The following FRK variants were observed in gnomAD, a reference collection of about 807,000 sequenced individuals.
FRK encodes the protein fyn related Src family tyrosine kinase.
FRK carries 51 observed loss-of-function variants against 56.4 expected under a neutral mutation model. The observed-to-expected ratio is 0.90, with a 90% CI of 0.72 to 1.14. The LOEUF is 1.14. Among genes scored for constraint, FRK ranks in the 50% most tolerant of loss-of-function variants. The pLI is 0.00. For missense variants in FRK, 570 were observed against 601.4 expected (o/e 0.95, Z 0.55); for synonymous variants, 245 against 217.9 (o/e 1.12, Z -1.10).
chr6:116,092,348 T>A, the FRK span, among the ~76,000 whole-genome samples: 16 of 152,184 alleles, frequency 1.1e-4, no homozygotes, highest in Non-Finnish European at 2.9e-5. Flanking sequence ...ACCCTGGAGA[T>A]CCCTTCCCTC....
At chr6:116,001,916 G>GA (rs1775077726) in intron 2 of FRK, among the ~76,000 whole-genome samples, 1 of 152,060 alleles carries the variant, frequency 6.6e-6, no homozygotes, top group Non-Finnish European at 1.5e-5. Flanking sequence ...AATCTCTTCT[G>GA]AAAATTCATT....
At chr6:116,017,230 G>A (rs1026007498) in intron 1 of FRK, among the ~76,000 whole-genome samples, 3 of 152,092 alleles carry the variant, frequency 2.0e-5, no homozygotes, top group Admixed American at 2.0e-4. Context: ...CTCCTTACAC[G>A]TTTTAAGTTC....
the FRK span, among the ~76,000 whole-genome samples, chr6:116,099,556 C>T: frequency 6.6e-6 from 1 of 152,230 alleles, no homozygotes; most frequent in Non-Finnish European, 1.5e-5. Flanking sequence ...CATCAGTGAA[C>T]AGCTTAATCT....
At position 115,970,734 on chromosome 6, in the gene FRK, C is replaced by T. The variant is rs147593996; in HGVS notation, c.467-1995G>A. On this transcript the variant is annotated intron_variant, in intron 2 of 7. Transcript: ENST00000606080. The stretch of plus-strand genomic sequence containing the variant: ...GCAATGGTGGCAGACCCTGTCTCAA[C>T]AAAAAATAATAATAATAATTGTTTT... Among the ~76,000 whole-genome samples, 359 of 152,092 alleles carry T rather than the reference C, an allele frequency of 2.4e-3. 2 individuals are homozygous for T. The highest frequency in any genetic ancestry group is 0.017 in the Middle Eastern group (5 of 294).
chr6:115,951,958 T>G (rs2043974), intron 5 of FRK, among the ~76,000 whole-genome samples: 6,165 of 152,186 alleles, frequency 0.041, 338 homozygotes, highest in Admixed American at 0.15. Flanking sequence ...TTACTCAAGG[T>G]TTTTTGGCTG....
At chr6:116,033,323 T>C (rs904701834) in intron 1 of FRK, among the ~76,000 whole-genome samples, 2 of 152,150 alleles carry the variant, frequency 1.3e-5, no homozygotes, top group African/African-American at 2.4e-5. Context: ...TACACATACA[T>C]GGACCAAAAA....
At chr6:116,004,026 G>A (rs770612128) in intron 1 of FRK, 28 bp from the exon 2 acceptor site, 35 of 1,591,040 alleles carry the variant, frequency 2.2e-5, no homozygotes, top group Middle Eastern at 1.7e-4. Context: ...TAAATGTTAA[G>A]TAACCAATTA....
intron 3 of FRK, 55 bp from the exon 4 acceptor site, chr6:115,967,774 T>C (rs1773646794): frequency 2.3e-6 from 3 of 1,329,878 alleles, no homozygotes; most frequent in South Asian, 1.6e-5. Context: ...AGATTTAATA[T>C]TATTTTGTTG....
intron 5 of FRK, among the ~76,000 whole-genome samples, chr6:115,950,682 G>A (rs1424004514): frequency 4.6e-5 from 7 of 152,106 alleles, no homozygotes; most frequent in Admixed American, 1.3e-4. Context: ...TATACCCAAA[G>A]GATTATAAAT....
In FRK at chr6:116,060,376, T is replaced by C; in HGVS notation, c.-65A>G. On this transcript the variant is annotated 5_prime_UTR_variant, in exon 1 of 8. Transcript: ENST00000606080. Reference sequence around the variant, plus strand: ...CTCCCCTTAGTCTCTGCGATCCACCTTATCTTCCTTCACCAGGCAACTTTG... The same window carrying C: ...CTCCCCTTAGTCTCTGCGATCCACCCTATCTTCCTTCACCAGGCAACTTTG... 1 of 1,313,682 alleles carries C rather than the reference T, an allele frequency of 7.6e-7. No individual in the cohort carries two copies. Among genetic ancestry groups the C allele is most frequent in the Non-Finnish European group, 1.1e-6 (1 of 941,870 alleles). The allele number at this position is 1,313,682 out of a possible 1,614,324, so 81.4% of individuals were successfully genotyped here.
chr6:115,944,565 T>A, intron 5 of FRK, 140 bp from the exon 6 acceptor site: 1 of 572,742 alleles, frequency 1.7e-6, no homozygotes. Context: ...ATATATATAT[T>A]TATCATTAAT....
the FRK span, among the ~76,000 whole-genome samples, chr6:116,087,550 A>T: frequency 1.3e-5 from 2 of 152,234 alleles, no homozygotes; most frequent in Non-Finnish European, 1.5e-5. Flanking sequence ...AAAGCACTAA[A>T]CTATTTATGG....
chr6:115,952,034 G>A (rs1772774959), intron 5 of FRK, among the ~76,000 whole-genome samples: 1 of 151,902 alleles, frequency 6.6e-6, no homozygotes, highest in African/African-American at 2.4e-5. Context: ...GGGGTTGTTT[G>A]TTTTTTTCTT....
At chr6:115,955,451 G>C (rs1420289768) in intron 5 of FRK, among the ~76,000 whole-genome samples, 2 of 152,230 alleles carry the variant, frequency 1.3e-5, no homozygotes, top group East Asian at 3.9e-4. Flanking sequence ...AGGCAAAAGG[G>C]GTTATTTAAT....
intron 2 of FRK, among the ~76,000 whole-genome samples, chr6:115,974,021 G>C (rs1296842272): frequency 6.6e-6 from 1 of 152,062 alleles, no homozygotes; most frequent in East Asian, 1.9e-4. Flanking sequence ...TAAATTCTTG[G>C]CCTACATGTT....
intron 1 of FRK, among the ~76,000 whole-genome samples, chr6:116,057,646 T>C (rs927327365): frequency 3.3e-5 from 5 of 152,000 alleles, no homozygotes; most frequent in Admixed American, 1.3e-4. Context: ...GATGTGAAGA[T>C]CCCAAGGAAA....
chr6:115,966,936 T>C (rs769235496), intron 4 of FRK, among the ~76,000 whole-genome samples: 4 of 151,100 alleles, frequency 2.6e-5, no homozygotes, highest in Non-Finnish European at 4.4e-5. Context: ...AACTGAAGCA[T>C]AGAGTTCAAA....
the FRK span, among the ~76,000 whole-genome samples, chr6:116,098,407 G>A: frequency 6.6e-6 from 1 of 152,142 alleles, no homozygotes; most frequent in Admixed American, 6.5e-5. Context: ...CACGACGCCA[G>A]GCAGACAGCC....
At chr6:116,091,662 G>A in the FRK span, among the ~76,000 whole-genome samples, 1 of 152,090 alleles carries the variant, frequency 6.6e-6, no homozygotes, top group Non-Finnish European at 1.5e-5. Context: ...TAGAATTCGG[G>A]GGCTAAACAC....
Sources: allele counts gnomAD v4.1 joint callset (sites outside exome capture counted in the v4.1 genomes callset), GRCh38; gene constraint gnomAD v4.1.1; transcripts MANE v1.5; gene names NCBI Gene and HGNC (gene_info 2026-07-23, HGNC 2026-07-21).